The following TMED6 variants were observed in gnomAD, a reference collection of about 807,000 sequenced individuals.
TMED6 encodes the protein transmembrane p24 trafficking protein 6, also known as transmembrane emp24 domain-containing protein 6.
A neutral mutation model predicts 26.5 loss-of-function variants in TMED6; 17 were observed. That is an observed-to-expected ratio of 0.64 (90% CI 0.44 to 0.96). TMED6 has a LOEUF of 0.96. Among genes scored for constraint, TMED6 ranks in the 40% least tolerant of loss-of-function variants. TMED6 has a pLI of 0.00. For missense variants in TMED6, 309 were observed against 296.5 expected, an observed-to-expected ratio of 1.04 and a Z score of -0.31; for synonymous variants, 107 against 106.2, an observed-to-expected ratio of 1.01 and a Z score of -0.04.
At chr16:69,349,708 C>G in intron 1 of TMED6, 57 bp from the exon 2 acceptor site, 1 of 1,585,484 alleles carries the variant, frequency 6.3e-7, no homozygotes, top group Non-Finnish European at 8.6e-7. Context: ...AGGAAGCCAG[C>G]TGAGTGGTAA....
chr16:69,349,544 G>C lies in TMED6; in HGVS notation c.321C>G (p.Asn107Lys). The C allele has an allele frequency of 6.2e-7, 1 of 1,613,852 alleles. No homozygotes were observed. Among genetic ancestry groups the C allele is most frequent in the Non-Finnish European group, 8.5e-7 (1 of 1,179,882 alleles). ...DTSQGVRGQINFSTQETGFYQ... is the reference protein window; with the variant it reads ...DTSQGVRGQIKFSTQETGFYQ... ...ACAGACCTGTCTCTTGGGTAGAGAAGTTAATCTGGCCCCGAACACCCTGGG... is the reference window on the plus strand; with the variant it reads ...ACAGACCTGTCTCTTGGGTAGAGAACTTAATCTGGCCCCGAACACCCTGGG... Residue 107 changes from asparagine (N) to lysine (K), a missense_variant, in exon 2 of 4, where the codon AAC becomes AAG. Transcript: ENST00000288025.
At position 69,351,754 on chromosome 16, in the gene TMED6, G is replaced by A. The variant is rs755742800; in HGVS notation, c.-1C>T. 3 of 1,611,662 alleles carry A rather than the reference G, an allele frequency of 1.9e-6. No individual in the cohort carries two copies. Among genetic ancestry groups the A allele is most frequent in the Admixed American group, 1.7e-5 (1 of 59,928 alleles). On this transcript the variant is annotated 5_prime_UTR_variant, in exon 1 of 4. Coordinates refer to ENST00000288025, the MANE Select transcript of TMED6 (RefSeq NM_144676.4). The stretch of plus-strand genomic sequence containing the variant: ...CAGCCCCAAAGAGCAAAGGGGACAT[G>A]CCGCTTTCTGGAGCCTCCTCTGCAG...
intron 3 of TMED6, among the ~76,000 whole-genome samples, chr16:69,346,590 C>T (rs2012690181): frequency 6.6e-6 from 1 of 151,984 alleles, no homozygotes; most frequent in Admixed American, 6.6e-5. Flanking sequence ...ATGGTGAAAC[C>T]CTGTCTCTAC....
Position 69,347,956 on chromosome 16 carries a change from A to C in TMED6, c.341-20T>G. 1 of 1,613,190 alleles carries C rather than the reference A, an allele frequency of 6.2e-7. No individual in the cohort carries two copies. Among genetic ancestry groups the C allele is most frequent in the Non-Finnish European group, 8.5e-7 (1 of 1,179,474 alleles). On this transcript the variant is annotated intron_variant, in intron 2 of 3. Transcript: ENST00000288025. The stretch of plus-strand genomic sequence containing the variant: ...AAAAACCTGTAGGAATTCTTAGATC[A>C]TTACCAAGTCTTTGGTCTCCTCCCC...
In TMED6 at chr16:69,349,638, A is replaced by G; in HGVS notation, c.227T>C (p.Val76Ala). ...AACATGCCGGTCATGTGACATCCCC[A>G]CTGTCCGCTGAACCTGCCAAGACAC... ...FYFSYEVQRTVGMSHDRHVAA... is the reference protein window; with the variant it reads ...FYFSYEVQRTAGMSHDRHVAA... Residue 76 changes from valine to alanine, a missense_variant, in exon 2 of 4, where the codon GTG becomes GCG. Coordinates refer to ENST00000288025, the MANE Select transcript of TMED6 (RefSeq NM_144676.4). 3.7e-6 allele frequency: 6 copies of G among 1,613,582 alleles called. No individual in the cohort carries two copies. Among genetic ancestry groups the G allele is most frequent in the Non-Finnish European group, 4.2e-6 (5 of 1,179,726 alleles).
intron 2 of TMED6, among the ~76,000 whole-genome samples, chr16:69,348,862 A>G (rs1451638836): frequency 6.6e-6 from 1 of 152,170 alleles, no homozygotes; most frequent in Non-Finnish European, 1.5e-5. Flanking sequence ...TGATCCGCCC[A>G]CCTTGGCCTC....
intron 1 of TMED6, 26 bp from the exon 2 acceptor site, chr16:69,349,677 C>T: frequency 6.2e-7 from 1 of 1,606,668 alleles, no homozygotes; most frequent in Non-Finnish European, 8.5e-7. Flanking sequence ...AAATAGGTAG[C>T]AGAACCCCTG....
At chr16:69,344,366 A>G (rs983877390) in intron 3 of TMED6, among the ~76,000 whole-genome samples, 1 of 152,216 alleles carries the variant, frequency 6.6e-6, no homozygotes, top group Non-Finnish European at 1.5e-5. Context: ...TTGTAGTACA[A>G]AAGCAGCCAC....
At chr16:69,346,329 C>G (rs1025743304) in intron 3 of TMED6, among the ~76,000 whole-genome samples, 3 of 152,244 alleles carry the variant, frequency 2.0e-5, no homozygotes, top group Admixed American at 6.5e-5. Flanking sequence ...GTGGAAAAAC[C>G]TAAATATCCA....
chr16:69,346,122 A>G (rs553258168), intron 3 of TMED6, among the ~76,000 whole-genome samples: 13 of 152,362 alleles, frequency 8.5e-5, no homozygotes, highest in African/African-American at 2.6e-4. Flanking sequence ...CACTAGGATG[A>G]CTGTAACAAA....
intron 3 of TMED6, 43 bp from the exon 4 acceptor site, chr16:69,343,683 ATCTAGCC>A (rs1261687975): frequency 6.4e-7 from 1 of 1,552,076 alleles, no homozygotes; most frequent in East Asian, 2.3e-5. Context: ...CCAAACCCCC[ATCTAGCC>A]TCACCTGAGC....
At position 69,351,705 on chromosome 16, in the gene TMED6, T is replaced by G; in HGVS notation, c.49A>C (p.Thr17Pro). Residue 17 changes from threonine to proline, a missense_variant, in exon 1 of 4, where the codon ACG becomes CCG. Physicochemically the swap from Thr to Pro is conservative, Grantham distance 38. Coordinates refer to ENST00000288025, the MANE Select transcript of TMED6 (RefSeq NM_144676.4). ...TCTGTCTTCTGGCTCCTGGCAGACG[T>G]CACTAGATTCAGAACGACCAGCCCA... ...GAGLVVLNLV[T>P]SARSQKTEPL... is the part of the protein sequence containing the mutation. The G allele has an allele frequency of 6.2e-7, 1 of 1,613,542 alleles. No homozygotes were observed. The highest frequency in any genetic ancestry group is 8.5e-7 in the Non-Finnish European group (1 of 1,179,962).
chr16:69,343,483 C>T lies in TMED6; in HGVS notation c.647G>A (p.Gly216Glu), dbSNP rs1400972955. 1.6e-5 allele frequency: 26 copies of T among 1,614,060 alleles called. No homozygotes were observed. Among genetic ancestry groups the T allele is most frequent in the Non-Finnish European group, 2.1e-5 (25 of 1,180,016 alleles). The change falls in exon 4 of 4, where the codon GGG (glycine) becomes GAG (glutamate). Residue 216 changes from glycine to glutamate, a missense_variant. Transcript: ENST00000288025. Reference protein sequence around the residue: ...TAQSLVIILSGILQLYFLKRL... With the variant: ...TAQSLVIILSEILQLYFLKRL... ...CTTCAAGAAATACAGTTGCAGGATCCCAGAAAGAATAATAACAAGGCTCTG... is the reference window on the plus strand; with the variant it reads ...CTTCAAGAAATACAGTTGCAGGATCTCAGAAAGAATAATAACAAGGCTCTG...
chr16:69,344,636 G>T (rs2012652448), intron 3 of TMED6, among the ~76,000 whole-genome samples: 1 of 151,656 alleles, frequency 6.6e-6, no homozygotes, highest in Admixed American at 6.6e-5. Flanking sequence ...AGCCAGGTGT[G>T]GTGGCACACG....
chr16:69,343,720 T>C, intron 3 of TMED6, 80 bp from the exon 4 acceptor site: 4 of 1,078,122 alleles, frequency 3.7e-6, no homozygotes, highest in Non-Finnish European at 5.5e-6. Context: ...CACTAACCTA[T>C]CTCAAGTCAA....
At chr16:69,348,963 G>A (rs774072223) in intron 2 of TMED6, among the ~76,000 whole-genome samples, 1 of 152,208 alleles carries the variant, frequency 6.6e-6, no homozygotes, top group Non-Finnish European at 1.5e-5. Flanking sequence ...TCATAGTGAA[G>A]GACTGTCTGA....
chr16:69,343,923 C>T (rs181665118), intron 3 of TMED6, among the ~76,000 whole-genome samples: 4 of 152,200 alleles, frequency 2.6e-5, no homozygotes, highest in African/African-American at 4.8e-5. Flanking sequence ...CAACCTTCTG[C>T]GCTCAAGTGA....
rs750007529 is a variant in TMED6, at chr16:69,343,535, T to TA, written c.594dup (p.Asn199Ter). 9 of 1,614,026 alleles carry TA rather than the reference T, an allele frequency of 5.6e-6. No homozygotes were observed. The African/African-American group carries it at 1.2e-4, about 22-fold the overall frequency. On this transcript the variant is annotated frameshift_variant, in exon 4 of 4. Coordinates refer to ENST00000288025, the MANE Select transcript of TMED6 (RefSeq NM_144676.4). LOFTEE classifies it high-confidence loss of function. ...GCTGTCGACCACCAGTTCACGTAGTTATAGTTTGATTGGATAAGGAAAAAG... is the reference window on the plus strand; with the variant it reads ...GCTGTCGACCACCAGTTCACGTAGTTAATAGTTTGATTGGATAAGGAAAAAG...
intron 1 of TMED6, among the ~76,000 whole-genome samples, chr16:69,350,461 G>A (rs1597233441): frequency 6.6e-6 from 1 of 151,750 alleles, no homozygotes. Flanking sequence ...CACCAAGCCC[G>A]GCTAATTTTT....
Sources: allele counts gnomAD v4.1 joint callset (sites outside exome capture counted in the v4.1 genomes callset), GRCh38; gene constraint gnomAD v4.1.1; transcripts MANE v1.5; gene names NCBI Gene and HGNC (gene_info 2026-07-23, HGNC 2026-07-21).